Variants in CACNB4 observed in about 807,000 individuals in gnomAD.
CACNB4 encodes the protein voltage-dependent L-type calcium channel subunit beta-4.
Under a neutral mutation model 71.2 loss-of-function variants are expected in CACNB4, and 32 were observed. That is an observed-to-expected ratio of 0.45 (90% CI 0.34 to 0.60). CACNB4 has a LOEUF of 0.60. Ranked by LOEUF, CACNB4 falls within the 20% of genes least tolerant of loss-of-function variation. CACNB4 has a pLI of 0.01. For synonymous variants in CACNB4, 231 were observed against 236.9 expected, an observed-to-expected ratio of 0.97 and a Z score of 0.23; for missense variants, 464 against 647.9, an observed-to-expected ratio of 0.72 and a Z score of 3.08.
chr2:151,895,506 A>G (rs1003744591), intron 2 of CACNB4, among the ~76,000 whole-genome samples: 9 of 152,086 alleles, frequency 5.9e-5, no homozygotes, highest in Middle Eastern at 3.4e-3. Flanking sequence ...CTGAGAATCT[A>G]TTATGCATCA....
At chr2:151,985,964 TC>T (rs1306202903) in intron 2 of CACNB4, among the ~76,000 whole-genome samples, 1 of 152,188 alleles carries the variant, frequency 6.6e-6, no homozygotes, top group Non-Finnish European at 1.5e-5. Flanking sequence ...ATCTACATTT[TC>T]TAAAAATTCC....
At chr2:151,973,483 T>C in intron 2 of CACNB4, 3 of 595,394 alleles carry the variant, frequency 5.0e-6, no homozygotes, top group Non-Finnish European at 8.9e-6. Context: ...TGACAATAAA[T>C]AATTTTAGTT....
chr2:151,880,296 T>G (rs2099847505), intron 4 of CACNB4: 1 of 155,614 alleles, frequency 6.4e-6, no homozygotes, highest in Non-Finnish European at 1.4e-5. Flanking sequence ...CTTTTGCCTT[T>G]CTGTTTCCCA....
chr2:152,076,168 A>T (rs1351272995), intron 2 of CACNB4, among the ~76,000 whole-genome samples: 1 of 113,522 alleles, frequency 8.8e-6, no homozygotes, highest in Non-Finnish European at 1.7e-5. Flanking sequence ...TTTGAGACAG[A>T]GTCTAGCTCT....
chr2:152,014,650 G>A (rs561333776), intron 2 of CACNB4, among the ~76,000 whole-genome samples: 1 of 149,780 alleles, frequency 6.7e-6, no homozygotes, highest in Non-Finnish European at 1.5e-5. Flanking sequence ...AGAATCGCTT[G>A]AACCCAGGAA....
chr2:151,972,007 T>C (rs2099872673), intron 2 of CACNB4: 1 of 165,964 alleles, frequency 6.0e-6, no homozygotes. Context: ...GTCAAGTCAC[T>C]GCACTCTTCA....
chr2:152,027,645 A>T (rs1449256277), intron 2 of CACNB4, among the ~76,000 whole-genome samples: 4 of 152,100 alleles, frequency 2.6e-5, no homozygotes, highest in Admixed American at 2.6e-4. Context: ...CGAGGTCAGG[A>T]GATCGAGACC....
chr2:152,088,236 T>C (rs1202109701), intron 2 of CACNB4, among the ~76,000 whole-genome samples: 1 of 151,410 alleles, frequency 6.6e-6, no homozygotes, highest in Non-Finnish European at 1.5e-5. Context: ...ACAATGATCA[T>C]TTTACCCACC....
intron 9 of CACNB4, among the ~76,000 whole-genome samples, chr2:151,863,123 T>G (rs560208588): frequency 6.6e-6 from 1 of 151,912 alleles, no homozygotes; most frequent in African/African-American, 2.4e-5. Context: ...TGGAGTGCAG[T>G]GGTGCAATCT....
At chr2:151,939,400 A>C (rs1245682309) in intron 2 of CACNB4, among the ~76,000 whole-genome samples, 1 of 152,218 alleles carries the variant, frequency 6.6e-6, no homozygotes, top group Non-Finnish European at 1.5e-5. Context: ...GGAGGAGTGG[A>C]GGTGAAACAA....
At chr2:151,880,003 C>G (rs1346286737) in intron 4 of CACNB4, 3 of 152,104 alleles carry the variant, frequency 2.0e-5, no homozygotes, top group African/African-American at 4.8e-5. Context: ...GAGACATAAT[C>G]AACTTAACCA....
intron 2 of CACNB4, among the ~76,000 whole-genome samples, chr2:152,033,468 C>T (rs1287146645): frequency 1.3e-5 from 2 of 152,108 alleles, no homozygotes; most frequent in Non-Finnish European, 2.9e-5. Context: ...CTGAGGTCTC[C>T]ACATGGCTTC....
chr2:151,895,096 CCACACA>C (rs58504924), intron 2 of CACNB4, among the ~76,000 whole-genome samples: 1,187 of 22,298 alleles, frequency 0.053, 51 homozygotes, highest in African/African-American at 0.069. Flanking sequence ...TCAAATAGCC[CCACACA>C]CACACACACA....
intron 2 of CACNB4, among the ~76,000 whole-genome samples, chr2:152,020,804 AAC>A (rs1485037676): frequency 6.6e-6 from 1 of 152,186 alleles, no homozygotes; most frequent in Non-Finnish European, 1.5e-5. Context: ...CCTTGTCTGA[AAC>A]ACTGCTGGAA....
At chr2:152,087,615 T>C (rs1028216897) in intron 2 of CACNB4, among the ~76,000 whole-genome samples, 2 of 152,088 alleles carry the variant, frequency 1.3e-5, no homozygotes, top group African/African-American at 4.8e-5. Flanking sequence ...CATCTACACA[T>C]TTAGACCAGG....
chr2:151,940,461 A>T (rs1267081883), intron 2 of CACNB4, among the ~76,000 whole-genome samples: 2 of 152,236 alleles, frequency 1.3e-5, no homozygotes, highest in Non-Finnish European at 2.9e-5. Flanking sequence ...TCTCCAAAAC[A>T]GTATGCTGGA....
At chr2:151,983,606 A>G (rs113019776) in intron 2 of CACNB4, among the ~76,000 whole-genome samples, 1,691 of 151,892 alleles carry the variant, frequency 0.011, 28 homozygotes, top group African/African-American at 0.039. Flanking sequence ...TGTAAAAAAA[A>G]TCAAGGACCT....
intron 2 of CACNB4, among the ~76,000 whole-genome samples, chr2:152,071,617 T>C (rs1444467104): frequency 6.6e-6 from 1 of 152,234 alleles, no homozygotes; most frequent in African/African-American, 2.4e-5. Context: ...TTTGGTTGGT[T>C]TGGTTTTTAA....
At chr2:152,055,652 G>A (rs1316477357) in intron 2 of CACNB4, among the ~76,000 whole-genome samples, 1 of 152,144 alleles carries the variant, frequency 6.6e-6, no homozygotes, top group Non-Finnish European at 1.5e-5. Context: ...GCAAAGTCTA[G>A]ATAAGGCTTT....
Sources: allele counts gnomAD v4.1 joint callset (sites outside exome capture counted in the v4.1 genomes callset), GRCh38; gene constraint gnomAD v4.1.1; transcripts MANE v1.5; gene names NCBI Gene and HGNC (gene_info 2026-07-23, HGNC 2026-07-21).